Variants in DIP2B observed in about 807,000 individuals in gnomAD.
The protein encoded by DIP2B is disco-interacting protein 2 homolog B.
DIP2B carries 76 observed loss-of-function variants against 198.0 expected under a neutral mutation model. The observed-to-expected ratio is 0.38, with a 90% confidence interval of 0.32 to 0.46. The LOEUF (loss-of-function observed/expected upper bound fraction) is 0.46, where lower values mean the gene tolerates loss of function less well. DIP2B is among the 20% of genes least tolerant of loss of function. The pLI, the probability that DIP2B is intolerant of heterozygous loss-of-function variation, is 0.99. For missense variants in DIP2B, 1,559 were observed against 1,978.4 expected, an observed-to-expected ratio of 0.79 and a Z score of 4.02; for synonymous variants, 701 against 739.1, an observed-to-expected ratio of 0.95 and a Z score of 0.84.
chr12:50,596,435 C>G (rs4132432), intron 1 of DIP2B, among the ~76,000 whole-genome samples: 5,613 of 152,256 alleles, frequency 0.037, 381 homozygotes, highest in East Asian at 0.22. Flanking sequence ...TTCTGCTCAT[C>G]TCTTCCTAAT....
rs1383209891 is a variant in DIP2B, at chr12:50,678,786, G to T, written c.1024G>T (p.Ala342Ser). Reference protein sequence around the residue: ...ICNWPPALESALQRWGTTQAK... With the variant: ...ICNWPPALESSLQRWGTTQAK... ...TAACTGGCCTCCTGCTCTTGAATCTGCCCTGCAGCGCTGGGGTACCACTCA... is the reference window on the plus strand; with the variant it reads ...TAACTGGCCTCCTGCTCTTGAATCTTCCCTGCAGCGCTGGGGTACCACTCA... The change falls in exon 8 of 38, where the codon GCC (alanine) becomes TCC (serine). Residue 342 changes from alanine to serine, a missense_variant. By Grantham distance (99) the Ala-to-Ser change is moderately conservative (BLOSUM62 1). Transcript: ENST00000301180. 3 of 1,614,206 alleles carry T rather than the reference G, an allele frequency of 1.9e-6. No homozygotes were observed. The East Asian group carries it at 6.7e-5, about 36-fold the overall frequency.
intron 1 of DIP2B, among the ~76,000 whole-genome samples, chr12:50,611,915 C>G (rs1017775721): frequency 1.3e-5 from 2 of 151,650 alleles, no homozygotes; most frequent in African/African-American, 4.9e-5. Flanking sequence ...AAAGCAGATA[C>G]AGGCCAGGCG....
intron 1 of DIP2B, among the ~76,000 whole-genome samples, chr12:50,577,427 G>T (rs1437044550): frequency 6.6e-6 from 1 of 152,066 alleles, no homozygotes; most frequent in Non-Finnish European, 1.5e-5. Context: ...CCAGCCACTC[G>T]GGAAGCTGAG....
chr12:50,634,973 C>A (rs1289209891), intron 2 of DIP2B, among the ~76,000 whole-genome samples: 1 of 152,100 alleles, frequency 6.6e-6, no homozygotes, highest in Non-Finnish European at 1.5e-5. Context: ...CAACTTGTTT[C>A]CACCCTCAAT....
intron 1 of DIP2B, among the ~76,000 whole-genome samples, chr12:50,554,924 C>T (rs750080483): frequency 6.6e-6 from 1 of 152,048 alleles, no homozygotes. Flanking sequence ...CGCGCCACCA[C>T]GCCTGCCTAA....
At chr12:50,555,493 C>T (rs1297643592) in intron 1 of DIP2B, among the ~76,000 whole-genome samples, 1 of 152,124 alleles carries the variant, frequency 6.6e-6, no homozygotes, top group Non-Finnish European at 1.5e-5. Flanking sequence ...ATGGTTAATG[C>T]TTATGTTTTC....
intron 7 of DIP2B, among the ~76,000 whole-genome samples, chr12:50,676,467 G>T (rs1357714817): frequency 6.6e-6 from 1 of 152,168 alleles, no homozygotes; most frequent in Non-Finnish European, 1.5e-5. Flanking sequence ...ATTGAATGGT[G>T]GACGTCTTTC....
chr12:50,635,479 G>C (rs75429973), intron 2 of DIP2B, among the ~76,000 whole-genome samples: 1 of 152,100 alleles, frequency 6.6e-6, no homozygotes, highest in Non-Finnish European at 1.5e-5. Flanking sequence ...TTTCCCAAAC[G>C]TGGCTTCCTT....
chr12:50,516,570 A>G (rs1056759263), intron 1 of DIP2B, among the ~76,000 whole-genome samples: 4 of 152,110 alleles, frequency 2.6e-5, no homozygotes, highest in African/African-American at 7.2e-5. Flanking sequence ...TCTTAATACT[A>G]TCACATTGGG....
chr12:50,505,295 G>C, intron 1 of DIP2B, 55 bp downstream of exon 1: 1 of 1,370,780 alleles, frequency 7.3e-7, no homozygotes, highest in South Asian at 1.5e-5. Flanking sequence ...GCGGCGACTT[G>C]GGAGACAGGT....
chr12:50,524,261 C>T (rs1279844065), intron 1 of DIP2B, among the ~76,000 whole-genome samples: 1 of 152,276 alleles, frequency 6.6e-6, no homozygotes, highest in East Asian at 1.9e-4. Context: ...CTGGTGGTGT[C>T]CCAGCTTTCT....
At chr12:50,654,165 C>T (rs771967436) in intron 3 of DIP2B, among the ~76,000 whole-genome samples, 6 of 152,138 alleles carry the variant, frequency 3.9e-5, no homozygotes, top group Admixed American at 6.5e-5. Context: ...TGAACCACCA[C>T]GCCCAGCACC....
At chr12:50,606,829 CA>C (rs1266426128) in intron 1 of DIP2B, among the ~76,000 whole-genome samples, 2 of 150,566 alleles carry the variant, frequency 1.3e-5, no homozygotes. Context: ...CCTCTTGAGA[CA>C]AGGTCTCATT....
intron 1 of DIP2B, among the ~76,000 whole-genome samples, chr12:50,604,377 T>C (rs917766087): frequency 6.6e-6 from 1 of 152,220 alleles, no homozygotes; most frequent in African/African-American, 2.4e-5. Flanking sequence ...ATGCACTGTG[T>C]ACATTATAAG....
intron 1 of DIP2B, among the ~76,000 whole-genome samples, chr12:50,577,593 C>T (rs1958674394): frequency 6.6e-6 from 1 of 150,616 alleles, no homozygotes; most frequent in African/African-American, 2.4e-5. Flanking sequence ...TCCTAAATAA[C>T]AATAATAAAT....
At chr12:50,511,806 G>A (rs1276083312) in intron 1 of DIP2B, among the ~76,000 whole-genome samples, 1 of 151,204 alleles carries the variant, frequency 6.6e-6, no homozygotes, top group Non-Finnish European at 1.5e-5. Context: ...AAATTAGCTC[G>A]GCGTGGTGGC....
Position 50,721,399 on chromosome 12 carries a change from A to G in DIP2B, c.3166+3A>G, listed in dbSNP as rs1489305518. ...TGTGGTGTTGCTCTATCCACCTGGTAAGCATTGGATTGGCAGACTAGAGTT... is the reference window on the plus strand; with the variant it reads ...TGTGGTGTTGCTCTATCCACCTGGTGAGCATTGGATTGGCAGACTAGAGTT... On this transcript the variant is annotated splice_donor_region_variant and intron_variant, in intron 26 of 37. Transcript: ENST00000301180. The G allele has an allele frequency of 6.2e-7, 1 of 1,613,978 alleles. No homozygotes were observed. The highest frequency in any genetic ancestry group is 1.1e-5 in the South Asian group (1 of 91,062).
intron 32 of DIP2B, among the ~76,000 whole-genome samples, chr12:50,733,821 T>C (rs1940090601): frequency 6.6e-6 from 1 of 152,236 alleles, no homozygotes; most frequent in Admixed American, 6.5e-5. Context: ...AGGGTCTTGA[T>C]GGTTTAAACT....
rs567668890 is a variant in DIP2B at position 50,562,754 on chromosome 12, C to A, written c.100+57514C>A. On this transcript the variant is annotated intron_variant, in intron 1 of 37. Transcript: ENST00000301180. ...TGACTCAGAAAAAAAAAAAAAAATT[C>A]TCAGGCTTTTTTATGGTCAGACTAA... Among the ~76,000 whole-genome samples the A allele has an allele frequency of 8.6e-5, 13 of 151,368 alleles. No individual in the cohort carries two copies. In the South Asian group the frequency reaches 2.7e-3, roughly 32 times the overall value.
Sources: allele counts gnomAD v4.1 joint callset (sites outside exome capture counted in the v4.1 genomes callset), GRCh38; gene constraint gnomAD v4.1.1; transcripts MANE v1.5; gene names NCBI Gene and HGNC (gene_info 2026-07-23, HGNC 2026-07-21).